CNTNAP2: variants seen among roughly 807,000 people sequenced by gnomAD.
CNTNAP2 encodes the protein contactin-associated protein-like 2.
CNTNAP2 carries 98 observed loss-of-function variants against 155.2 expected under a neutral mutation model. The observed-to-expected ratio is 0.63, with a 90% CI of 0.54 to 0.75. The LOEUF is 0.75. Ranked by LOEUF, CNTNAP2 falls within the 30% of genes least tolerant of loss-of-function variation. The probability of loss-of-function intolerance (pLI) is 0.00; values close to 1 mark genes in which losing one functional copy is unlikely to be tolerated. For synonymous variants in CNTNAP2, 651 were observed against 631.2 expected (o/e 1.03, Z -0.47); for missense variants, 1,727 against 1,688.1 (o/e 1.02, Z -0.40).
At chr7:146,931,874 A>G (rs955270306) in intron 3 of CNTNAP2, among the ~76,000 whole-genome samples, 4 of 152,330 alleles carry the variant, frequency 2.6e-5, no homozygotes, top group Admixed American at 2.0e-4. Flanking sequence ...ACACCCTCCC[A>G]AGACTAATCC....
intron 4 of CNTNAP2, among the ~76,000 whole-genome samples, chr7:147,100,536 C>A (rs1175142174): frequency 6.6e-6 from 1 of 152,158 alleles, no homozygotes; most frequent in Non-Finnish European, 1.5e-5. Flanking sequence ...TAAACTCATA[C>A]AGGAGTTCAA....
chr7:147,609,021 A>T lies in CNTNAP2; in HGVS notation c.1898-30085A>T, dbSNP rs61343505. On this transcript the variant is annotated intron_variant, in intron 12 of 23. Transcript: ENST00000361727. ...ATTTTCACTTCTTTTGTGATTCTTC[A>T]GTTACTTCAGGCCATCTGGATGTAT... Among the ~76,000 whole-genome samples, 1,120 of 152,242 alleles carry T rather than the reference A, an allele frequency of 7.4e-3. 15 individuals are homozygous for T. Among genetic ancestry groups the T allele is most frequent in the African/African-American group, 0.026 (1,077 of 41,530 alleles).
intron 1 of CNTNAP2, among the ~76,000 whole-genome samples, chr7:146,528,151 A>C (rs1429819733): frequency 6.6e-6 from 1 of 152,166 alleles, no homozygotes; most frequent in South Asian, 2.1e-4. Flanking sequence ...GGAGTAAATG[A>C]AAAAGTAGGG....
intron 11 of CNTNAP2, among the ~76,000 whole-genome samples, chr7:147,491,834 A>G (rs1340633048): frequency 1.3e-5 from 2 of 152,246 alleles, no homozygotes; most frequent in Non-Finnish European, 2.9e-5. Flanking sequence ...AAGGCAGGGT[A>G]CTAAAAATAA....
intron 4 of CNTNAP2, among the ~76,000 whole-genome samples, chr7:147,102,235 C>G (rs78285761): frequency 0.012 from 1,608 of 138,824 alleles, 28 homozygotes; most frequent in African/African-American, 0.042. Context: ...GCACAAAGCT[C>G]TATATTTCAC....
intron 3 of CNTNAP2, among the ~76,000 whole-genome samples, chr7:147,023,272 A>G (rs1477072697): frequency 6.6e-6 from 1 of 152,176 alleles, no homozygotes; most frequent in Non-Finnish European, 1.5e-5. Context: ...TAGAAATTTT[A>G]TATTATGTTG....
intron 14 of CNTNAP2, among the ~76,000 whole-genome samples, chr7:147,925,154 A>AGAGAAAG: frequency 1.6e-5 from 1 of 63,342 alleles, no homozygotes; most frequent in South Asian, 8.7e-4. Flanking sequence ...AGAGAGAGAG[A>AGAGAAAG]GAAGGAAGGA....
intron 3 of CNTNAP2, among the ~76,000 whole-genome samples, chr7:146,920,698 T>G (rs896047309): frequency 2.0e-5 from 3 of 152,330 alleles, no homozygotes; most frequent in East Asian, 1.9e-4. Context: ...ATACTTAAAT[T>G]TTTTCATTGA....
At chr7:147,557,975 G>A (rs1799983126) in intron 11 of CNTNAP2, among the ~76,000 whole-genome samples, 1 of 152,116 alleles carries the variant, frequency 6.6e-6, no homozygotes, top group African/African-American at 2.4e-5. Context: ...TCTTTATTCA[G>A]ATGATAAAAC....
chr7:146,729,652 A>G (rs866259175), intron 1 of CNTNAP2, among the ~76,000 whole-genome samples: 10 of 152,130 alleles, frequency 6.6e-5, no homozygotes, highest in African/African-American at 2.4e-4. Flanking sequence ...AACACAGGCT[A>G]GAGTTTATTA....
intron 15 of CNTNAP2, among the ~76,000 whole-genome samples, chr7:148,069,005 G>A (rs1803324212): frequency 6.6e-6 from 1 of 152,192 alleles, no homozygotes; most frequent in African/African-American, 2.4e-5. Flanking sequence ...AGGTTCCTAA[G>A]TTTCCCTTCC....
intron 11 of CNTNAP2, among the ~76,000 whole-genome samples, chr7:147,513,846 T>C (rs1392812922): frequency 2.0e-5 from 3 of 152,152 alleles, no homozygotes; most frequent in Admixed American, 6.5e-5. Context: ...GGGATATGCG[T>C]TTTCACCAGA....
chr7:146,959,893 G>T (rs1797521197), intron 3 of CNTNAP2, among the ~76,000 whole-genome samples: 1 of 152,078 alleles, frequency 6.6e-6, no homozygotes, highest in South Asian at 2.1e-4. Context: ...GTAATTATTG[G>T]AGAGACCTAG....
intron 1 of CNTNAP2, among the ~76,000 whole-genome samples, chr7:146,265,258 G>A (rs146796840): frequency 1.0e-3 from 153 of 151,920 alleles, no homozygotes; most frequent in African/African-American, 3.5e-3. Flanking sequence ...ATTATGTATG[G>A]TTATTTACAT....
At chr7:146,648,582 T>C (rs1438577286) in intron 1 of CNTNAP2, among the ~76,000 whole-genome samples, 2 of 152,150 alleles carry the variant, frequency 1.3e-5, no homozygotes, top group African/African-American at 2.4e-5. Flanking sequence ...ACCAAATAGA[T>C]TTATGTTAAA....
At chr7:146,807,577 T>C (rs943320774) in intron 2 of CNTNAP2, among the ~76,000 whole-genome samples, 1 of 152,086 alleles carries the variant, frequency 6.6e-6, no homozygotes, top group African/African-American at 2.4e-5. Context: ...TTACCTCTCA[T>C]GGTGACAATG....
intron 15 of CNTNAP2, among the ~76,000 whole-genome samples, chr7:148,115,237 G>T (rs145025197): frequency 1.3e-5 from 2 of 152,124 alleles, no homozygotes; most frequent in Admixed American, 6.6e-5. Flanking sequence ...TCCTCTCTGC[G>T]GATATTTCTG....
At chr7:147,366,808 CA>C (rs1352577496) in intron 9 of CNTNAP2, among the ~76,000 whole-genome samples, 8 of 97,002 alleles carry the variant, frequency 8.2e-5, no homozygotes, top group African/African-American at 2.3e-4. Context: ...CACACACACA[CA>C]CACCCCAATG....
At chr7:148,399,100 G>A (rs866193781) in intron 22 of CNTNAP2, among the ~76,000 whole-genome samples, 34 of 152,234 alleles carry the variant, frequency 2.2e-4, no homozygotes, top group Middle Eastern at 3.4e-3. Context: ...AAAACTTGGT[G>A]AGCACCCATA....
Sources: gnomAD v4.1 joint callset for allele counts (sites outside exome capture counted in the v4.1 genomes callset) on GRCh38, gnomAD v4.1.1 for gene constraint, MANE v1.5 for transcripts, NCBI Gene and HGNC (gene_info 2026-07-23, HGNC 2026-07-21) for gene names.